VTA1: variants seen among roughly 807,000 people sequenced by gnomAD.
VTA1 encodes vesicle trafficking 1, also known as vacuolar protein sorting-associated protein VTA1 homolog.
In VTA1, 24 loss-of-function variants were observed where a neutral mutation model predicts 36.9. The observed-to-expected ratio is 0.65, with a 90% CI of 0.47 to 0.91. The LOEUF (loss-of-function observed/expected upper bound fraction) is 0.91, where lower values mean the gene tolerates loss of function less well. Ranked by LOEUF, VTA1 falls within the 40% of genes least tolerant of loss-of-function variation. The probability of loss-of-function intolerance (pLI) is 0.00; values close to 1 mark genes in which losing one functional copy is unlikely to be tolerated. For missense variants in VTA1, 393 were observed against 377.2 expected, an observed-to-expected ratio of 1.04 and a Z score of -0.35; for synonymous variants, 142 against 130.2, an observed-to-expected ratio of 1.09 and a Z score of -0.62.
rs186282579 is a variant in VTA1 at position 142,175,913 on chromosome 6, C to G, written c.411+5492C>G. On this transcript the variant is annotated intron_variant, in intron 4 of 7. Coordinates refer to ENST00000367630, the MANE Select transcript of VTA1 (RefSeq NM_016485.5). ...ATTCTATTTCTCAGTTATCTTATCTCTATTTTAGGTATATGTATTTAGCTC... is the reference window on the plus strand; with the variant it reads ...ATTCTATTTCTCAGTTATCTTATCTGTATTTTAGGTATATGTATTTAGCTC... 1.9e-3 allele frequency among the ~76,000 whole-genome samples: 293 copies of G among 151,828 alleles called. 4 individuals carry two copies. Among genetic ancestry groups the G allele is most frequent in the Non-Finnish European group, 3.4e-4 (23 of 67,942 alleles).
intron 7 of VTA1, among the ~76,000 whole-genome samples, chr6:142,205,610 T>C (rs1775774361): frequency 6.6e-6 from 1 of 152,162 alleles, no homozygotes; most frequent in Non-Finnish European, 1.5e-5. Flanking sequence ...TATACTTCTT[T>C]AGATACTCCA....
intron 4 of VTA1, among the ~76,000 whole-genome samples, chr6:142,178,811 G>A (rs982450763): frequency 2.0e-5 from 3 of 151,838 alleles, no homozygotes; most frequent in African/African-American, 7.3e-5. Context: ...TTTCAGACTA[G>A]ATTTTTTTTT....
intron 4 of VTA1, among the ~76,000 whole-genome samples, chr6:142,181,093 AAATAT>A (rs1468243634): frequency 4.1e-5 from 3 of 72,436 alleles, no homozygotes; most frequent in African/African-American, 5.3e-5. Context: ...AAAAAAAAAA[AAATAT>A]ATATATATAT....
chr6:142,168,908 A>G (rs938054511), intron 2 of VTA1, among the ~76,000 whole-genome samples: 1 of 151,834 alleles, frequency 6.6e-6, no homozygotes, highest in Admixed American at 6.6e-5. Flanking sequence ...CTGGGACTAC[A>G]GCTGCCCGCC....
intron 1 of VTA1, among the ~76,000 whole-genome samples, chr6:142,147,757 G>T (rs1778481479): frequency 6.6e-6 from 1 of 152,224 alleles, no homozygotes; most frequent in Admixed American, 6.5e-5. Context: ...GAAGGTGAGT[G>T]TCCGAAAGAA....
In VTA1 at chr6:142,204,619, T is replaced by G. The variant is rs115232264; in HGVS notation, c.778+554T>G. The stretch of plus-strand genomic sequence containing the variant: ...TTTTGGTCTTTCTCATTCAGACTTT[T>G]GTTTTCTTCATATGTCAGATGATAT... On this transcript the variant is annotated intron_variant, in intron 7 of 7. Coordinates refer to ENST00000367630, the MANE Select transcript of VTA1 (RefSeq NM_016485.5). 2.6e-5 allele frequency among the ~76,000 whole-genome samples: 4 copies of G among 152,042 alleles called. No individual in the cohort carries two copies. The East Asian group carries it at 7.7e-4, about 29-fold the overall frequency.
chr6:142,155,547 T>C (rs138347402), intron 1 of VTA1, among the ~76,000 whole-genome samples: 3 of 152,348 alleles, frequency 2.0e-5, no homozygotes, highest in East Asian at 1.9e-4. Flanking sequence ...GGAATTATTA[T>C]ACATGCAGTT....
intron 1 of VTA1, among the ~76,000 whole-genome samples, chr6:142,148,614 G>A (rs1778506442): frequency 6.6e-6 from 1 of 152,164 alleles, no homozygotes. Context: ...TACATACAAT[G>A]GAGGTAGAGA....
intron 5 of VTA1, among the ~76,000 whole-genome samples, chr6:142,197,030 C>G (rs1419598905): frequency 6.6e-6 from 1 of 152,096 alleles, no homozygotes; most frequent in African/African-American, 2.4e-5. Context: ...TTTATGTAGA[C>G]TATTGACTGC....
At chr6:142,203,572 A>G (rs1217953807) in intron 6 of VTA1, among the ~76,000 whole-genome samples, 1 of 152,132 alleles carries the variant, frequency 6.6e-6, no homozygotes, top group Non-Finnish European at 1.5e-5. Flanking sequence ...TAAAATGTGT[A>G]AACTAGAAAA....
Position 142,222,523 on chromosome 6 carries a change from AT to A in VTA1, c.*3882del. 2.0e-5 allele frequency: 3 copies of A among 152,334 alleles called. No individual in the cohort carries two copies. The highest frequency in any genetic ancestry group is 7.2e-5 in the African/African-American group (3 of 41,582). 9.4% of individuals were successfully genotyped at this position (152,334 alleles called of 1,614,324 possible). ...TTTTAGAATTTATATATGACTTGTA[AT>A]TCTAGAAATTTGAGAATTCTATGTA... On this transcript the variant is annotated 3_prime_UTR_variant, in exon 8 of 8. Transcript: ENST00000367630.
In VTA1 at chr6:142,218,758, A is replaced by G; in HGVS notation, c.*115A>G. 1 of 1,233,032 alleles carries G rather than the reference A, an allele frequency of 8.1e-7. No homozygotes were observed. The highest frequency in any genetic ancestry group is 1.1e-6 in the Non-Finnish European group (1 of 917,578). 76.4% of individuals were successfully genotyped at this position (1,233,032 alleles called of 1,614,324 possible). A position where few individuals can be genotyped will look rare whatever the true frequency, so the allele number is the denominator to read the frequency against. The stretch of plus-strand genomic sequence containing the variant: ...GGAAGACTTGGTTTTGTTGAATATG[A>G]CAATGAAATCTGTGTGTATCAGATT... On this transcript the variant is annotated 3_prime_UTR_variant, in exon 8 of 8. Transcript: ENST00000367630.
chr6:142,199,541 T>A (rs575153201), intron 6 of VTA1, among the ~76,000 whole-genome samples: 3 of 152,042 alleles, frequency 2.0e-5, no homozygotes, highest in Admixed American at 1.3e-4. Flanking sequence ...CACTACTACT[T>A]TACTTTTATT....
intron 1 of VTA1, among the ~76,000 whole-genome samples, chr6:142,158,493 G>A (rs899411501): frequency 4.1e-4 from 63 of 152,188 alleles, no homozygotes; most frequent in Admixed American, 1.9e-3. Flanking sequence ...GCGATTACTC[G>A]TTTGATATTA....
At chr6:142,189,280 A>G (rs1337596903) in intron 4 of VTA1, 146 bp from the exon 5 acceptor site, 5 of 561,166 alleles carry the variant, frequency 8.9e-6, no homozygotes, top group East Asian at 3.0e-5. Context: ...GATTCCAGCA[A>G]TAGGGTGGGG....
chr6:142,165,615 T>C (rs558976685), intron 1 of VTA1, among the ~76,000 whole-genome samples: 5 of 152,310 alleles, frequency 3.3e-5, no homozygotes, highest in Admixed American at 1.3e-4. Flanking sequence ...AGACATTGTA[T>C]GTAAACATCA....
chr6:142,164,464 G>A (rs911859085), intron 1 of VTA1, among the ~76,000 whole-genome samples: 4 of 151,858 alleles, frequency 2.6e-5, no homozygotes, highest in Non-Finnish European at 5.9e-5. Context: ...TAAACTTCAA[G>A]CTCTGTAATA....
intron 3 of VTA1, 125 bp downstream of exon 3, chr6:142,169,802 T>C (rs1774995127): frequency 2.3e-6 from 2 of 877,892 alleles, no homozygotes; most frequent in African/African-American, 3.5e-5. Context: ...AAAAAAATTA[T>C]CAAACCTCAC....
chr6:142,154,871 T>C (rs1428225364), intron 1 of VTA1, among the ~76,000 whole-genome samples: 1 of 152,096 alleles, frequency 6.6e-6, no homozygotes, highest in East Asian at 1.9e-4. Context: ...ACAGCGTTAC[T>C]CTGGTTTCTT....
Sources: gnomAD v4.1 joint callset for allele counts (sites outside exome capture counted in the v4.1 genomes callset) on GRCh38, gnomAD v4.1.1 for gene constraint, MANE v1.5 for transcripts, NCBI Gene and HGNC (gene_info 2026-07-23, HGNC 2026-07-21) for gene names.